ZNF676: variants seen among roughly 807,000 people sequenced by gnomAD.
ZNF676 encodes the protein zinc finger protein 676.
Under a neutral mutation model 6.0 loss-of-function variants are expected in ZNF676, and 4 were observed. The ratio of observed to expected loss-of-function variants is 0.67; its 90% CI spans 0.33 to 1.53. The LOEUF (loss-of-function observed/expected upper bound fraction) is 1.53. Among genes scored for constraint, ZNF676 ranks in the 40% most tolerant of loss-of-function variants. The probability of loss-of-function intolerance (pLI) is 0.06; values close to 1 mark genes in which losing one functional copy is unlikely to be tolerated. For synonymous variants in ZNF676, 198 were observed against 223.1 expected (o/e 0.89, Z 1.00); for missense variants, 644 against 679.7 (o/e 0.95, Z 0.58).
chr19:22,212,144 G>A (rs1394333466), intron 1 of ZNF676, among the ~76,000 whole-genome samples: 14 of 147,210 alleles, frequency 9.5e-5, no homozygotes, highest in South Asian at 2.2e-4. Context: ...AGCTTGCAGC[G>A]AGCCGAGATC....
upstream of ZNF676, among the ~76,000 whole-genome samples, chr19:22,200,776 C>T (rs1307702676): frequency 6.6e-6 from 1 of 152,088 alleles, no homozygotes; most frequent in Non-Finnish European, 1.5e-5. Flanking sequence ...TCTCGAACTC[C>T]TGACCTCAGG....
intron 1 of ZNF676, among the ~76,000 whole-genome samples, chr19:22,208,826 G>A (rs952183717): frequency 2.6e-5 from 4 of 152,100 alleles, no homozygotes; most frequent in Admixed American, 2.6e-4. Flanking sequence ...TTCAGTCTTA[G>A]CTACTTGAGA....
rs575912376 is a variant in ZNF676 at position 22,189,431 on chromosome 19, A to G, written c.130+3585T>C. 6.6e-5 allele frequency among the ~76,000 whole-genome samples: 10 copies of G among 152,288 alleles called. No individual in the cohort carries two copies. The East Asian group carries it at 1.9e-3, about 29-fold the overall frequency. ...CCATAAAAATCCTAGAAGAAAACCT[A>G]GAGAATACTACTCAGGACACAAGCA... On this transcript the variant is annotated intron_variant, in intron 2 of 2. Coordinates refer to ENST00000397121, the MANE Select transcript of ZNF676 (RefSeq NM_001001411.3).
chr19:22,192,867 G>T (rs1484571789), intron 2 of ZNF676, 149 bp downstream of exon 2: 19 of 813,362 alleles, frequency 2.3e-5, no homozygotes, highest in Non-Finnish European at 2.7e-5. Flanking sequence ...AGATGCCCCT[G>T]TGTGAGAGAA....
chr19:22,197,183 A>G (rs1254763539), upstream of ZNF676, among the ~76,000 whole-genome samples: 2 of 151,994 alleles, frequency 1.3e-5, no homozygotes, highest in Non-Finnish European at 2.9e-5. Flanking sequence ...TTAGCCATGC[A>G]TGGTGGCACA....
At chr19:22,231,601 C>A in the ZNF676 span, among the ~76,000 whole-genome samples, 384 of 67,712 alleles carry the variant, frequency 5.7e-3, 3 homozygotes, top group African/African-American at 0.03. Flanking sequence ...TTAGCTGTAT[C>A]TTTATTTATT....
At chr19:22,215,845 C>T (rs1459972533), upstream of ZNF676, among the ~76,000 whole-genome samples, 1 of 151,658 alleles carries the variant, frequency 6.6e-6, no homozygotes, top group Non-Finnish European at 1.5e-5. Flanking sequence ...GCCCAGCATC[C>T]CTGATTGGAT....
the ZNF676 span, among the ~76,000 whole-genome samples, chr19:22,238,987 C>T: frequency 6.6e-6 from 1 of 152,276 alleles, no homozygotes; most frequent in African/African-American, 2.4e-5. Context: ...CCCTCACAGA[C>T]ACATCCAGGA....
Position 22,192,732 on chromosome 19 carries a change from C to CA in ZNF676, c.130+283dup, listed in dbSNP as rs1555774287. ...GCGGATATCTATGTGTCCACAAAAACAAAAAAAAGTCAGATTGCACTCTCT... is the reference window on the plus strand; with the variant it reads ...GCGGATATCTATGTGTCCACAAAAACAAAAAAAAAGTCAGATTGCACTCTCT... On this transcript the variant is annotated intron_variant, in intron 2 of 2. Coordinates refer to ENST00000397121, the MANE Select transcript of ZNF676 (RefSeq NM_001001411.3). Among the ~76,000 whole-genome samples, 29 of 151,436 alleles carry CA rather than the reference C, an allele frequency of 1.9e-4. 1 individual carries two copies. The highest frequency in any genetic ancestry group is 5.8e-4 in the African/African-American group (24 of 41,288).
the ZNF676 span, among the ~76,000 whole-genome samples, chr19:22,224,678 T>C: frequency 6.6e-6 from 1 of 152,216 alleles, no homozygotes; most frequent in East Asian, 1.9e-4. Context: ...ATAAAATTGA[T>C]TCTCTAAAAT....
chr19:22,221,592 A>T, the ZNF676 span, among the ~76,000 whole-genome samples: 1 of 152,158 alleles, frequency 6.6e-6, no homozygotes, highest in Admixed American at 6.5e-5. Flanking sequence ...CGCTACTAAA[A>T]ATACAAAAAT....
intron 1 of ZNF676, among the ~76,000 whole-genome samples, chr19:22,212,801 C>T (rs1156618116): frequency 6.6e-6 from 1 of 151,862 alleles, no homozygotes; most frequent in Admixed American, 6.6e-5. Context: ...TCGAGACCAG[C>T]CTGGGCAATA....
Position 22,179,887 on chromosome 19 carries a change from T to C in ZNF676, c.*63A>G. 6.5e-7 allele frequency: 1 copy of C among 1,541,150 alleles called. No individual in the cohort carries two copies. Among genetic ancestry groups the C allele is most frequent in the Non-Finnish European group, 8.9e-7 (1 of 1,121,372 alleles). On this transcript the variant is annotated 3_prime_UTR_variant, in exon 3 of 3. Coordinates refer to ENST00000397121, the MANE Select transcript of ZNF676 (RefSeq NM_001001411.3). ...ACCTTTGTAGATTTTCTCTCCAGTA[T>C]GAATTTTCTTATGTTTACTAGACTG...
chr19:22,242,070 G>C, the ZNF676 span, among the ~76,000 whole-genome samples: 4 of 151,736 alleles, frequency 2.6e-5, 1 homozygote, highest in African/African-American at 9.7e-5. Context: ...CTACAAAAAG[G>C]AGACTCAGGA....
intron 2 of ZNF676, among the ~76,000 whole-genome samples, chr19:22,185,501 A>C (rs2023824818): frequency 6.6e-6 from 1 of 152,010 alleles, no homozygotes; most frequent in Non-Finnish European, 1.5e-5. Flanking sequence ...AAAAAAAAAA[A>C]ACAAAACTGA....
chr19:22,256,793 C>G, the ZNF676 span, among the ~76,000 whole-genome samples: 216 of 152,200 alleles, frequency 1.4e-3, 1 homozygote, highest in African/African-American at 4.9e-3. Flanking sequence ...AGAGGCACAT[C>G]ACCTAGGGGA....
rs112203564 is a variant in ZNF676, at chr19:22,183,068, T to G, written c.131-1482A>C. 5.3e-3 allele frequency among the ~76,000 whole-genome samples: 810 copies of G among 152,184 alleles called. 5 individuals are homozygous for G. Among genetic ancestry groups the G allele is most frequent in the African/African-American group, 0.018 (767 of 41,552 alleles). On this transcript the variant is annotated intron_variant, in intron 2 of 2. Transcript: ENST00000397121. ...AAGTTAATTTTTCACCTGATTAAAA[T>G]ATATTGTTTTATTTTTAGAGGTTTT...
chr19:22,257,487 G>A, the ZNF676 span, among the ~76,000 whole-genome samples: 1 of 152,192 alleles, frequency 6.6e-6, no homozygotes, highest in Admixed American at 6.5e-5. Context: ...CTTTCTGGCA[G>A]GGACCAGGCA....
At chr19:22,184,825 T>TAA (rs2023810844) in intron 2 of ZNF676, among the ~76,000 whole-genome samples, 1 of 55,884 alleles carries the variant, frequency 1.8e-5, no homozygotes, top group African/African-American at 8.9e-5. Context: ...AGGGCATCTT[T>TAA]GAAAAAAAAA....
Sources: allele counts gnomAD v4.1 joint callset (sites outside exome capture counted in the v4.1 genomes callset), GRCh38; gene constraint gnomAD v4.1.1; transcripts MANE v1.5; gene names NCBI Gene and HGNC (gene_info 2026-07-23, HGNC 2026-07-21).